Variants in PTPRD observed in about 807,000 individuals in gnomAD.
The protein encoded by PTPRD is protein tyrosine phosphatase receptor type D, also known as receptor-type tyrosine-protein phosphatase delta.
Under a neutral mutation model 214.5 loss-of-function variants are expected in PTPRD, and 34 were observed. That is an observed-to-expected ratio of 0.16 (90% CI 0.12 to 0.21). PTPRD has a LOEUF of 0.21. PTPRD is among the 10% of genes least tolerant of loss of function. PTPRD has a pLI of 1.00. For synonymous variants in PTPRD, 1,128 were observed against 845.7 expected (o/e 1.33, Z -5.79); for missense variants, 2,545 against 2,398.7 (o/e 1.06, Z -1.27).
At chr9:9,800,716 G>A (rs1346741075) in intron 5 of PTPRD, 1 of 152,160 alleles carries the variant, frequency 6.6e-6, no homozygotes, top group African/African-American at 2.4e-5. Flanking sequence ...TGAATGATAT[G>A]TCATTAATAT....
intron 11 of PTPRD, among the ~76,000 whole-genome samples, chr9:8,906,988 A>T (rs1007890534): frequency 4.6e-5 from 7 of 152,120 alleles, no homozygotes; most frequent in Admixed American, 3.3e-4. Flanking sequence ...GCCCAGTGGA[A>T]AGTAAAAGTT....
chr9:9,566,244 G>A (rs2084492632), intron 8 of PTPRD, among the ~76,000 whole-genome samples: 1 of 151,700 alleles, frequency 6.6e-6, no homozygotes, highest in Non-Finnish European at 1.5e-5. Flanking sequence ...ATGGATCTTT[G>A]AACTCGATAA....
chr9:9,820,763 G>T (rs185695676), intron 5 of PTPRD, among the ~76,000 whole-genome samples: 1 of 151,942 alleles, frequency 6.6e-6, no homozygotes, highest in Non-Finnish European at 1.5e-5. Flanking sequence ...GCTTATTTTT[G>T]TCAGCTTCAT....
chr9:8,453,878 G>T (rs2096068436), intron 33 of PTPRD, among the ~76,000 whole-genome samples: 1 of 152,140 alleles, frequency 6.6e-6, no homozygotes, highest in African/African-American at 2.4e-5. Context: ...CTGGAATATG[G>T]CATTGGGAGA....
At chr9:10,396,672 A>G (rs938047977) in intron 2 of PTPRD, among the ~76,000 whole-genome samples, 2 of 152,008 alleles carry the variant, frequency 1.3e-5, no homozygotes, top group Non-Finnish European at 2.9e-5. Context: ...CTTCTTAATG[A>G]GATTTGGGAA....
chr9:9,894,188 C>G (rs887273487), intron 5 of PTPRD, among the ~76,000 whole-genome samples: 4 of 152,094 alleles, frequency 2.6e-5, no homozygotes, highest in Non-Finnish European at 5.9e-5. Context: ...CTCCCCTAAA[C>G]TCCTTCAACA....
intron 11 of PTPRD, among the ~76,000 whole-genome samples, chr9:8,752,386 T>C (rs2093620795): frequency 6.6e-6 from 1 of 152,090 alleles, no homozygotes; most frequent in Non-Finnish European, 1.5e-5. Flanking sequence ...TTACCCTACA[T>C]GGTCTAAAAA....
chr9:8,383,252 C>T (rs151287589), intron 37 of PTPRD, among the ~76,000 whole-genome samples: 488 of 152,246 alleles, frequency 3.2e-3, no homozygotes, highest in African/African-American at 0.011. Context: ...ACCTCACCTT[C>T]ACTTTGTGCT....
intron 7 of PTPRD, among the ~76,000 whole-genome samples, chr9:9,598,825 T>A (rs2093556418): frequency 6.6e-6 from 1 of 151,994 alleles, no homozygotes; most frequent in South Asian, 2.1e-4. Context: ...GGACTTGAGT[T>A]TGAATTCTGG....
intron 12 of PTPRD, among the ~76,000 whole-genome samples, chr9:8,701,811 C>T (rs1219756133): frequency 6.6e-6 from 1 of 152,130 alleles, no homozygotes; most frequent in East Asian, 1.9e-4. Flanking sequence ...TTACTGCCAC[C>T]ATTAAAAATA....
intron 3 of PTPRD, among the ~76,000 whole-genome samples, chr9:10,046,680 C>A: frequency 6.6e-6 from 1 of 151,806 alleles, no homozygotes; most frequent in East Asian, 1.9e-4. Context: ...AAACATGGAC[C>A]ACTTACTTGA....
intron 3 of PTPRD, among the ~76,000 whole-genome samples, chr9:10,324,570 C>A (rs2096610225): frequency 6.6e-6 from 1 of 151,970 alleles, no homozygotes; most frequent in Non-Finnish European, 1.5e-5. Context: ...GTTGATTGAG[C>A]TGATCCGACT....
At chr9:10,221,605 T>C (rs1034560447) in intron 3 of PTPRD, among the ~76,000 whole-genome samples, 1 of 152,000 alleles carries the variant, frequency 6.6e-6, no homozygotes, top group African/African-American at 2.4e-5. Context: ...TTAAAAATAA[T>C]ACTACATACA....
chr9:8,356,950 AGAT>A (rs1174940064), intron 39 of PTPRD, among the ~76,000 whole-genome samples: 1 of 152,246 alleles, frequency 6.6e-6, no homozygotes, highest in Non-Finnish European at 1.5e-5. Context: ...TAAAATATAT[AGAT>A]GATGAGTGGC....
At chr9:10,300,764 G>A (rs771940108) in intron 3 of PTPRD, among the ~76,000 whole-genome samples, 3 of 152,084 alleles carry the variant, frequency 2.0e-5, no homozygotes, top group Non-Finnish European at 2.9e-5. Context: ...AGCAGCCCAG[G>A]TGAGGGACTT....
intron 12 of PTPRD, among the ~76,000 whole-genome samples, chr9:8,702,529 G>C (rs372761247): frequency 1.2e-4 from 18 of 152,286 alleles, no homozygotes; most frequent in African/African-American, 4.3e-4. Context: ...GGACAGTTGG[G>C]AGTTTTTTGA....
intron 14 of PTPRD, among the ~76,000 whole-genome samples, chr9:8,612,312 A>G (rs2095479951): frequency 1.3e-5 from 2 of 152,190 alleles, no homozygotes; most frequent in Admixed American, 1.3e-4. Flanking sequence ...ATGTTTGGCC[A>G]TATCAATTCA....
intron 8 of PTPRD, among the ~76,000 whole-genome samples, chr9:9,412,569 G>A (rs1184801027): frequency 6.6e-6 from 1 of 151,908 alleles, no homozygotes; most frequent in Non-Finnish European, 1.5e-5. Context: ...CTCTCCTCAA[G>A]GCCCTCATCT....
At chr9:10,166,817 G>T (rs779440100) in intron 3 of PTPRD, among the ~76,000 whole-genome samples, 3 of 152,096 alleles carry the variant, frequency 2.0e-5, no homozygotes, top group Non-Finnish European at 2.9e-5. Flanking sequence ...TTTTGCCCAT[G>T]CAATAAGAGC....
Sources: gnomAD v4.1 joint callset for allele counts (sites outside exome capture counted in the v4.1 genomes callset) on GRCh38, gnomAD v4.1.1 for gene constraint, MANE v1.5 for transcripts, NCBI Gene and HGNC (gene_info 2026-07-23, HGNC 2026-07-21) for gene names.